Variants in MCUB observed in about 807,000 individuals in gnomAD.
MCUB encodes the protein mitochondrial calcium uniporter dominant negative subunit beta.
A neutral mutation model predicts 41.4 loss-of-function variants in MCUB; 46 were observed. The ratio of observed to expected loss-of-function variants is 1.11; its 90% CI spans 0.88 to 1.42. The LOEUF (loss-of-function observed/expected upper bound fraction) is 1.42, where lower values mean the gene tolerates loss of function less well. MCUB is among the 40% of genes most tolerant of loss of function. MCUB has a pLI of 0.00. For missense variants in MCUB, 403 were observed against 404.9 expected, an observed-to-expected ratio of 1.00 and a Z score of 0.04; for synonymous variants, 148 against 148.2, an observed-to-expected ratio of 1.00 and a Z score of 0.01.
intron 1 of MCUB, among the ~76,000 whole-genome samples, chr4:109,565,645 G>A (rs1021277061): frequency 6.6e-6 from 1 of 152,042 alleles, no homozygotes; most frequent in Non-Finnish European, 1.5e-5. Context: ...ATGCTGTTTC[G>A]TTCATTATCT....
intron 1 of MCUB, among the ~76,000 whole-genome samples, chr4:109,621,840 A>G (rs1728256780): frequency 6.6e-6 from 1 of 152,196 alleles, no homozygotes; most frequent in South Asian, 2.1e-4. Flanking sequence ...GTTCATCCAT[A>G]GAAAACATGA....
intron 1 of MCUB, among the ~76,000 whole-genome samples, chr4:109,609,653 C>G (rs1031576602): frequency 6.6e-6 from 1 of 152,166 alleles, no homozygotes; most frequent in African/African-American, 2.4e-5. Flanking sequence ...TGGAGCTGCT[C>G]TGGTTCAGAT....
chr4:109,623,445 T>C (rs1369169705), intron 1 of MCUB, among the ~76,000 whole-genome samples: 3 of 152,178 alleles, frequency 2.0e-5, no homozygotes, highest in African/African-American at 7.2e-5. Flanking sequence ...TTTCTTAATG[T>C]GAAGGTCAGC....
chr4:109,641,804 A>G (rs77053869), intron 1 of MCUB, among the ~76,000 whole-genome samples: 6,743 of 152,320 alleles, frequency 0.044, 208 homozygotes, highest in Middle Eastern at 0.085. Context: ...ATTCATTACA[A>G]CAGAGGGTGT....
At chr4:109,597,613 G>A (rs1251381336) in intron 1 of MCUB, among the ~76,000 whole-genome samples, 1 of 143,138 alleles carries the variant, frequency 7.0e-6, no homozygotes, top group Non-Finnish European at 1.5e-5. Flanking sequence ...CCTCCCGGAT[G>A]GGGCAGCTGG....
intron 4 of MCUB, among the ~76,000 whole-genome samples, chr4:109,669,424 C>T (rs1171620600): frequency 6.6e-6 from 1 of 151,936 alleles, no homozygotes; most frequent in Non-Finnish European, 1.5e-5. Flanking sequence ...TTCCCCCCTT[C>T]CCTGGCTTCT....
chr4:109,633,358 C>G (rs933886203), intron 1 of MCUB, among the ~76,000 whole-genome samples: 1 of 151,952 alleles, frequency 6.6e-6, no homozygotes, highest in Non-Finnish European at 1.5e-5. Context: ...AGCTCCGCCT[C>G]CCGGGTTCAC....
chr4:109,682,222 T>G (rs1729733465), intron 4 of MCUB, among the ~76,000 whole-genome samples: 1 of 152,062 alleles, frequency 6.6e-6, no homozygotes, highest in Non-Finnish European at 1.5e-5. Flanking sequence ...TGTCCTGCTT[T>G]TGGGCAAAAA....
intron 1 of MCUB, among the ~76,000 whole-genome samples, chr4:109,645,322 T>C (rs1397091989): frequency 6.6e-6 from 1 of 152,096 alleles, no homozygotes; most frequent in Non-Finnish European, 1.5e-5. Context: ...AAATCCATCC[T>C]ATCCTCTCCC....
At chr4:109,598,624 G>C (rs197219) in intron 1 of MCUB, among the ~76,000 whole-genome samples, 33,919 of 150,268 alleles carry the variant, frequency 0.23, 4,607 homozygotes, top group South Asian at 0.34. Context: ...AGACGGGAGA[G>C]GGAGAGGGAG....
At chr4:109,635,917 A>C (rs1398800907) in intron 1 of MCUB, among the ~76,000 whole-genome samples, 1 of 152,194 alleles carries the variant, frequency 6.6e-6, no homozygotes, top group Non-Finnish European at 1.5e-5. Flanking sequence ...TTTGTCTTTT[A>C]AGAACATATG....
chr4:109,590,795 T>A (rs1302500618), intron 1 of MCUB, among the ~76,000 whole-genome samples: 1 of 152,238 alleles, frequency 6.6e-6, no homozygotes, highest in Non-Finnish European at 1.5e-5. Flanking sequence ...AGTGTTATCA[T>A]AATCTTAGCT....
At chr4:109,565,469 A>G (rs1177908076) in intron 1 of MCUB, among the ~76,000 whole-genome samples, 3 of 152,230 alleles carry the variant, frequency 2.0e-5, no homozygotes, top group South Asian at 4.1e-4. Context: ...AAGGTATGCC[A>G]ATGTGGAAAA....
intron 1 of MCUB, among the ~76,000 whole-genome samples, chr4:109,579,475 C>G (rs185244555): frequency 7.2e-4 from 110 of 152,292 alleles, no homozygotes; most frequent in Admixed American, 4.2e-3. Flanking sequence ...GTCTCAATCT[C>G]TTGACCTTGT....
chr4:109,644,691 A>C (rs1030989465), intron 1 of MCUB, among the ~76,000 whole-genome samples: 1 of 152,208 alleles, frequency 6.6e-6, no homozygotes, highest in African/African-American at 2.4e-5. Context: ...TACAGTTAAC[A>C]TTGATGTATA....
chr4:109,615,650 C>A (rs1728111326), intron 1 of MCUB, among the ~76,000 whole-genome samples: 2 of 152,084 alleles, frequency 1.3e-5, no homozygotes, highest in Admixed American at 1.3e-4. Context: ...ACCTTGTGAT[C>A]CGCCCGCCTC....
chr4:109,605,099 G>A (rs1279378236), intron 1 of MCUB, among the ~76,000 whole-genome samples: 2 of 152,086 alleles, frequency 1.3e-5, no homozygotes, highest in Non-Finnish European at 2.9e-5. Context: ...ATTGATATTA[G>A]TTCTTCTTTA....
chr4:109,612,359 C>G (rs1345711612), intron 1 of MCUB, among the ~76,000 whole-genome samples: 1 of 151,702 alleles, frequency 6.6e-6, no homozygotes, highest in Non-Finnish European at 1.5e-5. Flanking sequence ...CACCACCTCC[C>G]AGGTTCAAGC....
chr4:109,571,478 A>G (rs1479005845), intron 1 of MCUB, among the ~76,000 whole-genome samples: 1 of 152,038 alleles, frequency 6.6e-6, no homozygotes, highest in Non-Finnish European at 1.5e-5. Context: ...CTGCCCAGCT[A>G]ATTTTTGTAT....
Sources: allele counts gnomAD v4.1 joint callset (sites outside exome capture counted in the v4.1 genomes callset), GRCh38; gene constraint gnomAD v4.1.1; transcripts MANE v1.5; gene names NCBI Gene and HGNC (gene_info 2026-07-23, HGNC 2026-07-21).